GUCY1A1: variants seen among roughly 807,000 people sequenced by gnomAD.
GUCY1A1 encodes the protein guanylate cyclase soluble subunit alpha-1.
In GUCY1A1, 48 loss-of-function variants were observed where a neutral mutation model predicts 64.5. That is an observed-to-expected ratio of 0.74 (90% CI 0.59 to 0.95). GUCY1A1 has a LOEUF of 0.95. Among genes scored for constraint, GUCY1A1 ranks in the 40% least tolerant of loss-of-function variants. GUCY1A1 has a pLI of 0.00. For synonymous variants in GUCY1A1, 308 were observed against 303.4 expected, an observed-to-expected ratio of 1.02 and a Z score of -0.16; for missense variants, 804 against 825.3, an observed-to-expected ratio of 0.97 and a Z score of 0.32.
intron 2 of GUCY1A1, among the ~76,000 whole-genome samples, chr4:155,669,958 A>G (rs940350593): frequency 6.6e-6 from 1 of 152,192 alleles, no homozygotes; most frequent in East Asian, 1.9e-4. Context: ...AGAACTAAAT[A>G]AACATCAAAT....
At chr4:155,704,145 A>G (rs751767769) in intron 4 of GUCY1A1, 152 bp downstream of exon 4, 19 of 507,376 alleles carry the variant, frequency 3.7e-5, no homozygotes, top group African/African-American at 7.8e-5. Flanking sequence ...ACTAATTTCA[A>G]AGTAAGTGCA....
intron 8 of GUCY1A1, among the ~76,000 whole-genome samples, chr4:155,721,826 T>C (rs1013661114): frequency 6.6e-5 from 10 of 152,106 alleles, no homozygotes; most frequent in South Asian, 2.1e-4. Flanking sequence ...TAAACCTAAA[T>C]GGAAAAGAGT....
intron 5 of GUCY1A1, among the ~76,000 whole-genome samples, chr4:155,708,506 G>A (rs1279417221): frequency 6.6e-6 from 1 of 152,136 alleles, no homozygotes; most frequent in Non-Finnish European, 1.5e-5. Flanking sequence ...TTGCTGAGGA[G>A]TAGATAAGGC....
rs115766207 is a variant in GUCY1A1, at chr4:155,727,384, C to A, written c.1872-2646C>A. Among the ~76,000 whole-genome samples the A allele has an allele frequency of 7.0e-3, 1,071 of 151,998 alleles. 5 individuals are homozygous for A. The highest frequency in any genetic ancestry group is 0.012 in the Non-Finnish European group (810 of 67,886). On this transcript the variant is annotated intron_variant, in intron 9 of 9. Coordinates refer to ENST00000506455, the MANE Select transcript of GUCY1A1 (RefSeq NM_001130682.3). ...AAGCATAGAAGTTGTATTCAGAAGA[C>A]ATGCCTTAGAGTCCCACAAACAGCA... is the stretch of plus-strand genomic sequence containing the variant.
chr4:155,683,209 G>GA (rs1216551141), intron 2 of GUCY1A1, among the ~76,000 whole-genome samples: 4 of 151,824 alleles, frequency 2.6e-5, no homozygotes, highest in East Asian at 1.9e-4. Context: ...CACTTTTTCT[G>GA]AAAAAAGTTG....
intron 8 of GUCY1A1, among the ~76,000 whole-genome samples, chr4:155,719,823 G>A (rs1733729171): frequency 6.6e-6 from 1 of 152,118 alleles, no homozygotes; most frequent in Admixed American, 6.6e-5. Context: ...AGCTTATGAT[G>A]AGAAATGGGC....
In GUCY1A1 at chr4:155,713,166, C is replaced by T; in HGVS notation, c.1155C>T (p.Pro385=). The T allele has an allele frequency of 6.2e-7, 1 of 1,613,810 alleles. No individual in the cohort carries two copies. The highest frequency in any genetic ancestry group is 8.5e-7 in the Non-Finnish European group (1 of 1,179,756). ...ESSAILFLGS[P]CVDRLEDFTG... ...GTGCAATCTTGTTTTTGGGGTCACC[C>T]TGTGTGGACAGATTAGAAGATTTTA... Residue 385 remains proline, a synonymous_variant, in exon 7 of 10, where the codon CCC becomes CCT. Transcript: ENST00000506455.
intron 8 of GUCY1A1, among the ~76,000 whole-genome samples, chr4:155,721,254 A>T (rs186338525): frequency 1.6e-3 from 245 of 152,098 alleles, no homozygotes; most frequent in African/African-American, 5.5e-3. Flanking sequence ...ACAGAGCAAG[A>T]CTCTGTCTCT....
intron 8 of GUCY1A1, among the ~76,000 whole-genome samples, chr4:155,719,362 A>G (rs1235667494): frequency 1.3e-5 from 2 of 152,088 alleles, no homozygotes; most frequent in East Asian, 1.9e-4. Context: ...AAACTTTAAC[A>G]TGTATCAGAA....
At chr4:155,674,232 G>A (rs1245950902) in intron 2 of GUCY1A1, among the ~76,000 whole-genome samples, 1 of 151,284 alleles carries the variant, frequency 6.6e-6, no homozygotes, top group African/African-American at 2.5e-5. Context: ...GTGGGTGCCT[G>A]TAATCCCAGC....
At chr4:155,729,665 T>G (rs566363514) in intron 9 of GUCY1A1, among the ~76,000 whole-genome samples, 41 of 151,998 alleles carry the variant, frequency 2.7e-4, no homozygotes, top group African/African-American at 9.6e-4. Flanking sequence ...ACATCTTACC[T>G]CTTTCAACTC....
chr4:155,680,922 T>TACACACAC (rs10591570), intron 2 of GUCY1A1, among the ~76,000 whole-genome samples: 17 of 148,314 alleles, frequency 1.1e-4, no homozygotes, highest in African/African-American at 2.7e-4. Flanking sequence ...GTCGATTGGA[T>TACACACAC]ACACACACAC....
chr4:155,705,539 C>CAAAAAA (rs35914312), intron 4 of GUCY1A1, among the ~76,000 whole-genome samples: 16 of 82,082 alleles, frequency 1.9e-4, no homozygotes, highest in African/African-American at 6.1e-4. Flanking sequence ...GACTCCATCT[C>CAAAAAA]AAAAAAAAAA....
chr4:155,701,108 C>T (rs901337192), intron 3 of GUCY1A1, among the ~76,000 whole-genome samples: 6 of 152,062 alleles, frequency 3.9e-5, no homozygotes, highest in African/African-American at 9.7e-5. Context: ...GTAGGAAACT[C>T]GATGCACCAG....
chr4:155,721,918 G>T, intron 8 of GUCY1A1, 120 bp from the exon 9 acceptor site: 3 of 733,618 alleles, frequency 4.1e-6, no homozygotes, highest in Non-Finnish European at 7.1e-6. Flanking sequence ...AAGGTTTTGA[G>T]GAAAGGGGTG....
Position 155,710,584 on chromosome 4 carries a change from T to C in GUCY1A1, c.419T>C (p.Val140Ala), listed in dbSNP as rs1172713334. 6.2e-7 allele frequency: 1 copy of C among 1,610,626 alleles called. No homozygotes were observed. Residue 140 changes from valine to alanine, a missense_variant, in exon 6 of 10, where the codon GTT (valine) becomes GCT (alanine). By Grantham distance (64) the Val-to-Ala change is moderately conservative (BLOSUM62 0). Coordinates refer to ENST00000506455, the MANE Select transcript of GUCY1A1 (RefSeq NM_001130682.3). ...ATCAAAGAATCTCTTGGTGAAGAGG[T>C]TTTTAAAATATGTTACGAGGAAGAT... ...EVIKESLGEE[V>A]FKICYEEDEN...
chr4:155,690,908 A>G (rs1579038060), intron 2 of GUCY1A1, among the ~76,000 whole-genome samples: 1 of 152,330 alleles, frequency 6.6e-6, no homozygotes, highest in Non-Finnish European at 1.5e-5. Flanking sequence ...AGACCTTCGT[A>G]AATATTTGTT....
intron 2 of GUCY1A1, among the ~76,000 whole-genome samples, chr4:155,679,995 C>G (rs1259608177): frequency 6.6e-6 from 1 of 152,066 alleles, no homozygotes; most frequent in African/African-American, 2.4e-5. Flanking sequence ...GTATATAAGT[C>G]CTTCAGTGCT....
intron 2 of GUCY1A1, among the ~76,000 whole-genome samples, chr4:155,679,135 T>A (rs556986261): frequency 6.6e-6 from 1 of 152,268 alleles, no homozygotes; most frequent in East Asian, 1.9e-4. Flanking sequence ...CCAAAGTATT[T>A]TTTTTATTTT....
Sources: gnomAD v4.1 joint callset for allele counts (sites outside exome capture counted in the v4.1 genomes callset) on GRCh38, gnomAD v4.1.1 for gene constraint, MANE v1.5 for transcripts, NCBI Gene and HGNC (gene_info 2026-07-23, HGNC 2026-07-21) for gene names.